TRPM3: variants seen among roughly 807,000 people sequenced by gnomAD.
The protein encoded by TRPM3 is transient receptor potential cation channel subfamily M member 3, also known as long transient receptor potential channel 3.
In TRPM3, 77 loss-of-function variants were observed where a neutral mutation model predicts 181.2. That is an observed-to-expected ratio of 0.42 (90% CI 0.35 to 0.51). The LOEUF (loss-of-function observed/expected upper bound fraction) is 0.51. Ranked by LOEUF, TRPM3 falls within the 20% of genes least tolerant of loss-of-function variation. TRPM3 has a pLI of 0.01. For synonymous variants in TRPM3, 745 were observed against 796.4 expected (o/e 0.94, Z 1.09); for missense variants, 1,759 against 2,196.7 (o/e 0.80, Z 3.98).
Position 70,546,323 on chromosome 9 carries a change from G to C in TRPM3, c.3707+3219C>G, listed in dbSNP as rs75203696. On this transcript the variant is annotated intron_variant, in intron 25 of 25. Transcript: ENST00000677713. ...AGTGCAATTTTCAGGCCTTACTGCA[G>C]ATCTAGTGACAGAAACTCTAGGGGT... is the stretch of plus-strand genomic sequence containing the variant. 7.8e-3 allele frequency among the ~76,000 whole-genome samples: 1,190 copies of C among 152,300 alleles called. 18 individuals are homozygous for C. Among genetic ancestry groups the C allele is most frequent in the African/African-American group, 0.027 (1,125 of 41,558 alleles).
At chr9:70,559,363 C>T (rs1183164707) in intron 22 of TRPM3, among the ~76,000 whole-genome samples, 1 of 152,174 alleles carries the variant, frequency 6.6e-6, no homozygotes, top group Non-Finnish European at 1.5e-5. Flanking sequence ...TCATCATGAC[C>T]TGTCAATATA....
chr9:70,989,270 C>T (rs895265410), intron 1 of TRPM3, among the ~76,000 whole-genome samples: 10 of 152,126 alleles, frequency 6.6e-5, no homozygotes, highest in Non-Finnish European at 1.0e-4. Flanking sequence ...TAAGAAATGA[C>T]GGTTTTCATT....
chr9:71,376,944 T>C (rs1441243576), intron 1 of TRPM3, among the ~76,000 whole-genome samples: 1 of 152,072 alleles, frequency 6.6e-6, no homozygotes, highest in Non-Finnish European at 1.5e-5. Context: ...TCTGGAAGAA[T>C]AGACTTTGAA....
intron 22 of TRPM3, among the ~76,000 whole-genome samples, chr9:70,583,429 T>C (rs1292665175): frequency 1.3e-5 from 2 of 152,120 alleles, no homozygotes; most frequent in Non-Finnish European, 1.5e-5. Flanking sequence ...TTTGAAGTCA[T>C]GCAAACATAG....
At chr9:70,768,406 A>C (rs1297791290) in intron 7 of TRPM3, among the ~76,000 whole-genome samples, 1 of 152,076 alleles carries the variant, frequency 6.6e-6, no homozygotes, top group Non-Finnish European at 1.5e-5. Flanking sequence ...GTGCCTGTTA[A>C]ATGCTGCATA....
chr9:71,209,324 A>G (rs923821055), intron 1 of TRPM3, among the ~76,000 whole-genome samples: 3 of 140,160 alleles, frequency 2.1e-5, no homozygotes, highest in Non-Finnish European at 4.6e-5. Context: ...AAGGAGCTTT[A>G]CATGAAAAAT....
At chr9:70,934,699 A>G (rs1332847409) in intron 1 of TRPM3, among the ~76,000 whole-genome samples, 2 of 152,206 alleles carry the variant, frequency 1.3e-5, no homozygotes, top group African/African-American at 2.4e-5. Context: ...AAAAACATGT[A>G]TAACTACATT....
chr9:71,204,750 A>C (rs1272435048), intron 1 of TRPM3, among the ~76,000 whole-genome samples: 1 of 152,212 alleles, frequency 6.6e-6, no homozygotes, highest in Non-Finnish European at 1.5e-5. Context: ...GCTGCTATAA[A>C]GACACATGCA....
At chr9:71,428,696 A>T (rs1249173361) in intron 1 of TRPM3, among the ~76,000 whole-genome samples, 6 of 152,212 alleles carry the variant, frequency 3.9e-5, no homozygotes, top group Admixed American at 2.0e-4. Context: ...TGCAAGTGAT[A>T]CTAATCTAAA....
At position 70,681,520 on chromosome 9, in the gene TRPM3, G is replaced by C. The variant is rs1327224841; in HGVS notation, c.1331C>G (p.Thr444Arg). 6.2e-7 allele frequency: 1 copy of C among 1,613,726 alleles called. No individual in the cohort carries two copies. The highest frequency in any genetic ancestry group is 1.7e-5 in the Admixed American group (1 of 60,004). Residue 444 changes from threonine (T) to arginine (R), a missense_variant, in exon 9 of 26, where the codon ACA becomes AGA. By Grantham distance (71) the Thr-to-Arg change is moderately conservative. Coordinates refer to ENST00000677713, the MANE Select transcript of TRPM3 (RefSeq NM_001366145.2). ...GACTCTTTTACCTTTGAGTAAAGCT[G>C]TCAGGATAGCCAAATCAATGTCCTG... Reference protein sequence around the residue: ...GHQDIDLAILTALLKGANASA... With the variant: ...GHQDIDLAILRALLKGANASA...
intron 8 of TRPM3, among the ~76,000 whole-genome samples, chr9:70,757,443 C>CA (rs1256948405): frequency 2.0e-5 from 3 of 152,096 alleles, no homozygotes; most frequent in Admixed American, 6.5e-5. Context: ...GAATCTATTC[C>CA]AAAAAATAGA....
intron 1 of TRPM3, among the ~76,000 whole-genome samples, chr9:70,985,263 G>A (rs1895066): frequency 0.13 from 20,513 of 152,048 alleles, 1,519 homozygotes; most frequent in African/African-American, 0.21. Context: ...GAAGGTGTCT[G>A]GGAAAGAATT....
At chr9:71,396,737 C>A (rs1000029266) in intron 1 of TRPM3, among the ~76,000 whole-genome samples, 1 of 151,488 alleles carries the variant, frequency 6.6e-6, no homozygotes, top group Non-Finnish European at 1.5e-5. Flanking sequence ...CCGAGGTGGG[C>A]AGACCACAAG....
intron 1 of TRPM3, among the ~76,000 whole-genome samples, chr9:71,202,998 C>A (rs143333796): frequency 5.3e-4 from 80 of 152,324 alleles, no homozygotes; most frequent in Admixed American, 1.2e-3. Context: ...AATACTATAG[C>A]ATTCCCACAG....
intron 3 of TRPM3, among the ~76,000 whole-genome samples, chr9:70,849,226 C>A (rs890917651): frequency 6.6e-6 from 1 of 152,098 alleles, no homozygotes; most frequent in Non-Finnish European, 1.5e-5. Context: ...CTTACTGCAA[C>A]CTTTGCCTCC....
chr9:71,343,542 G>A (rs2091099850), intron 1 of TRPM3, among the ~76,000 whole-genome samples: 1 of 152,008 alleles, frequency 6.6e-6, no homozygotes, highest in Non-Finnish European at 1.5e-5. Flanking sequence ...ATACAAATAT[G>A]GAATGAAAGA....
intron 1 of TRPM3, among the ~76,000 whole-genome samples, chr9:71,305,659 C>T (rs1455137753): frequency 6.6e-6 from 1 of 152,044 alleles, no homozygotes; most frequent in Non-Finnish European, 1.5e-5. Context: ...TAATGAAAAG[C>T]ACAATTCCCC....
chr9:71,078,661 A>G (rs1007779144), intron 1 of TRPM3, among the ~76,000 whole-genome samples: 2 of 152,306 alleles, frequency 1.3e-5, no homozygotes, highest in South Asian at 2.1e-4. Context: ...AGCATTTTCA[A>G]TGTTAAAGGG....
At chr9:71,034,526 C>G (rs1290921621) in intron 1 of TRPM3, among the ~76,000 whole-genome samples, 1 of 151,834 alleles carries the variant, frequency 6.6e-6, no homozygotes, top group Non-Finnish European at 1.5e-5. Context: ...TCCCATACCT[C>G]TAATATCTAG....
Sources: gnomAD v4.1 joint callset for allele counts (sites outside exome capture counted in the v4.1 genomes callset) on GRCh38, gnomAD v4.1.1 for gene constraint, MANE v1.5 for transcripts, NCBI Gene and HGNC (gene_info 2026-07-23, HGNC 2026-07-21) for gene names.